Variants in UVRAG observed in about 807,000 individuals in gnomAD.
UVRAG encodes the protein UV radiation resistance-associated gene protein.
UVRAG carries 19 observed loss-of-function variants against 78.0 expected under a neutral mutation model. The observed-to-expected ratio is 0.24, with a 90% CI of 0.17 to 0.36. The LOEUF is 0.36. UVRAG is among the 10% of genes least tolerant of loss of function. UVRAG has a pLI of 1.00. For missense variants in UVRAG, 740 were observed against 853.8 expected (o/e 0.87, Z 1.66); for synonymous variants, 323 against 324.6 (o/e 1.00, Z 0.05).
chr11:76,092,208 G>T (rs1277340515), intron 13 of UVRAG, among the ~76,000 whole-genome samples: 1 of 152,088 alleles, frequency 6.6e-6, no homozygotes, highest in African/African-American at 2.4e-5. Context: ...TGGTGTATAT[G>T]TGCCACATTT....
chr11:75,826,410 C>T (rs1945513086), intron 1 of UVRAG, among the ~76,000 whole-genome samples: 1 of 152,258 alleles, frequency 6.6e-6, no homozygotes. Context: ...CCGCCTCTGC[C>T]TCCTAAAGTG....
intron 6 of UVRAG, among the ~76,000 whole-genome samples, chr11:75,935,383 A>G (rs2135119950): frequency 6.6e-6 from 1 of 152,210 alleles, no homozygotes; most frequent in South Asian, 2.1e-4. Context: ...AAACTCAACA[A>G]ATTAGCTATT....
In UVRAG at chr11:75,851,961, T is replaced by G; in HGVS notation, c.196T>G (p.Phe66Val). 6.2e-7 allele frequency: 1 copy of G among 1,613,936 alleles called. No homozygotes were observed. The highest frequency in any genetic ancestry group is 8.5e-7 in the Non-Finnish European group (1 of 1,179,868). Residue 66 changes from phenylalanine to valine, a missense_variant, in exon 2 of 15, where the codon TTT becomes GTT. By Grantham distance (50) the Phe-to-Val change is conservative. Transcript: ENST00000356136. ...RNGHQLLDTY[F>V]TLHLCSTEKI... is the part of the protein sequence containing the mutation. Reference sequence around the variant, plus strand: ...TGGCCATCAGCTCCTTGATACCTACTTTACACTTCACTTGTGTAGTACTGA... The same window carrying G: ...TGGCCATCAGCTCCTTGATACCTACGTTACACTTCACTTGTGTAGTACTGA...
intron 6 of UVRAG, among the ~76,000 whole-genome samples, chr11:75,925,009 A>G (rs990426505): frequency 6.6e-6 from 1 of 152,214 alleles, no homozygotes; most frequent in Non-Finnish European, 1.5e-5. Flanking sequence ...GCAGTTAAGT[A>G]TATGTAGTCT....
chr11:76,084,443 ATGT>A (rs1184552111), intron 13 of UVRAG, among the ~76,000 whole-genome samples: 2 of 152,146 alleles, frequency 1.3e-5, no homozygotes, highest in African/African-American at 4.8e-5. Flanking sequence ...ATTTATTATC[ATGT>A]TGTCATTTTT....
At chr11:75,831,843 G>A (rs919310225) in intron 1 of UVRAG, among the ~76,000 whole-genome samples, 3 of 152,176 alleles carry the variant, frequency 2.0e-5, no homozygotes, top group African/African-American at 7.2e-5. Context: ...CTCGAACACC[G>A]TAGCTTAGCC....
intron 6 of UVRAG, among the ~76,000 whole-genome samples, chr11:75,948,276 T>G (rs1193833967): frequency 6.6e-6 from 1 of 152,194 alleles, no homozygotes; most frequent in Non-Finnish European, 1.5e-5. Flanking sequence ...TATTGAAATC[T>G]GTGTTTTAGG....
intron 6 of UVRAG, among the ~76,000 whole-genome samples, chr11:75,945,342 A>C (rs1948568483): frequency 6.6e-6 from 1 of 152,126 alleles, no homozygotes; most frequent in Admixed American, 6.6e-5. Context: ...GAGCACAGAC[A>C]CTACCAAGTT....
At chr11:76,056,241 T>C (rs1950983065) in intron 12 of UVRAG, among the ~76,000 whole-genome samples, 1 of 152,242 alleles carries the variant, frequency 6.6e-6, no homozygotes, top group Non-Finnish European at 1.5e-5. Flanking sequence ...TTATTGTAGG[T>C]TCTTTCATCC....
intron 5 of UVRAG, among the ~76,000 whole-genome samples, chr11:75,900,982 C>T (rs575144586): frequency 1.3e-5 from 2 of 152,152 alleles, no homozygotes; most frequent in African/African-American, 2.4e-5. Flanking sequence ...AAGAAGAGGT[C>T]TCACCTTTCC....
At chr11:75,974,775 T>C (rs1342015170) in intron 7 of UVRAG, among the ~76,000 whole-genome samples, 1 of 152,232 alleles carries the variant, frequency 6.6e-6, no homozygotes, top group Non-Finnish European at 1.5e-5. Flanking sequence ...TTCTGGATAT[T>C]AGCCCTTTGT....
intron 2 of UVRAG, 55 bp downstream of exon 2, chr11:75,852,055 G>C: frequency 6.3e-6 from 8 of 1,272,526 alleles, no homozygotes; most frequent in Non-Finnish European, 8.8e-6. Flanking sequence ...TATTTTTTTT[G>C]TAACACAAGT....
rs562387276 is a variant in UVRAG at position 75,932,082 on chromosome 11, T to C, written c.593+20043T>C. ...ACTTTTTTCTCATTGGATATGTGAA[T>C]TCCAACCTTCTTTTTGAATGACATT... On this transcript the variant is annotated intron_variant, in intron 6 of 14. Transcript: ENST00000356136. Among the ~76,000 whole-genome samples the C allele has an allele frequency of 3.3e-3, 495 of 152,284 alleles. 1 individual carries two copies. The highest frequency in any genetic ancestry group is 0.011 in the African/African-American group (443 of 41,556).
rs553768393 is a variant in UVRAG at position 76,048,398 on chromosome 11, C to T, written c.1227-17312C>T. 2.0e-3 allele frequency among the ~76,000 whole-genome samples: 305 copies of T among 152,252 alleles called. 2 individuals carry two copies. The highest frequency in any genetic ancestry group is 3.4e-3 in the Non-Finnish European group (232 of 68,020). Reference sequence around the variant, plus strand: ...GAGGCTATAAAATAAAATGAGATTTCGATGACTTGTAAGTACTTGTCAGAG... The same window carrying T: ...GAGGCTATAAAATAAAATGAGATTTTGATGACTTGTAAGTACTTGTCAGAG... On this transcript the variant is annotated intron_variant, in intron 12 of 14. Coordinates refer to ENST00000356136, the MANE Select transcript of UVRAG (RefSeq NM_003369.4).
chr11:76,046,463 C>T (rs1294012948), intron 12 of UVRAG, among the ~76,000 whole-genome samples: 1 of 151,908 alleles, frequency 6.6e-6, no homozygotes, highest in East Asian at 1.9e-4. Context: ...GTGAGAGGTA[C>T]GTAAATTTAG....
chr11:76,010,117 T>C (rs1565118332), intron 11 of UVRAG, among the ~76,000 whole-genome samples: 1 of 152,230 alleles, frequency 6.6e-6, no homozygotes, highest in Non-Finnish European at 1.5e-5. Flanking sequence ...GTTTTGATAT[T>C]AATTTTAGGC....
In UVRAG at chr11:76,085,565, T is replaced by C. The variant is rs113631928; in HGVS notation, c.1305+19777T>C. ...ATGAAGGAAGCAGGGCATTTATTTA[T>C]ATTCTCTCACTAGCTTCTTTGTTAC... On this transcript the variant is annotated intron_variant, in intron 13 of 14. Transcript: ENST00000356136. Among the ~76,000 whole-genome samples the C allele has an allele frequency of 7.0e-3, 1,059 of 152,352 alleles. 17 individuals carry two copies. The highest frequency in any genetic ancestry group is 0.024 in the African/African-American group (1,014 of 41,578).
intron 3 of UVRAG, among the ~76,000 whole-genome samples, chr11:75,876,103 C>T (rs1428206781): frequency 2.0e-5 from 3 of 152,170 alleles, no homozygotes. Context: ...TCTAGATCTC[C>T]ACTTACCTCT....
At chr11:75,823,582 G>A (rs754339973) in intron 1 of UVRAG, among the ~76,000 whole-genome samples, 9 of 152,156 alleles carry the variant, frequency 5.9e-5, no homozygotes, top group Non-Finnish European at 1.2e-4. Context: ...CAATCCTCCC[G>A]CCTTGGCCTC....
Sources: allele counts gnomAD v4.1 joint callset (sites outside exome capture counted in the v4.1 genomes callset), GRCh38; gene constraint gnomAD v4.1.1; transcripts MANE v1.5; gene names NCBI Gene and HGNC (gene_info 2026-07-23, HGNC 2026-07-21).